Variants in PTPN14 observed in about 807,000 individuals in gnomAD.
PTPN14 encodes the protein protein tyrosine phosphatase non-receptor type 14, also known as tyrosine-protein phosphatase non-receptor type 14.
PTPN14 carries 53 observed loss-of-function variants against 126.8 expected under a neutral mutation model. That is an observed-to-expected ratio of 0.42 (90% CI 0.34 to 0.53). PTPN14 has a LOEUF of 0.53. PTPN14 is among the 20% of genes least tolerant of loss of function. PTPN14 has a pLI of 0.08. For synonymous variants in PTPN14, 630 were observed against 599.3 expected, an observed-to-expected ratio of 1.05 and a Z score of -0.75; for missense variants, 1,257 against 1,552.9, an observed-to-expected ratio of 0.81 and a Z score of 3.20.
chr1:214,425,417 CT>C (rs1659637806), intron 3 of PTPN14, among the ~76,000 whole-genome samples: 1 of 152,132 alleles, frequency 6.6e-6, no homozygotes, highest in African/African-American at 2.4e-5. Flanking sequence ...TCATTCCGCC[CT>C]CTGTGTTCCC....
At chr1:214,418,005 G>A (rs547540697) in intron 3 of PTPN14, among the ~76,000 whole-genome samples, 19 of 152,302 alleles carry the variant, frequency 1.2e-4, no homozygotes, top group South Asian at 6.2e-4. Flanking sequence ...CCCTTGCCAC[G>A]GTTCCAAATG....
At chr1:214,546,994 T>C (rs1417079984) in intron 1 of PTPN14, among the ~76,000 whole-genome samples, 1 of 152,096 alleles carries the variant, frequency 6.6e-6, no homozygotes, top group Non-Finnish European at 1.5e-5. Flanking sequence ...ACAATGTTAA[T>C]ATGTCATTTA....
intron 1 of PTPN14, chr1:214,532,577 T>G: frequency 9.4e-7 from 1 of 1,061,690 alleles, no homozygotes; most frequent in Non-Finnish European, 1.5e-6. Flanking sequence ...TACTTCAAGA[T>G]CATCGAGGAC....
intron 2 of PTPN14, among the ~76,000 whole-genome samples, chr1:214,458,815 A>C (rs1018988947): frequency 3.3e-5 from 5 of 152,158 alleles, no homozygotes; most frequent in Non-Finnish European, 7.3e-5. Context: ...TCAAACTGAG[A>C]TAGGGCTCCA....
Position 214,393,670 on chromosome 1 carries a change from CG to C in PTPN14, c.929+24del, listed in dbSNP as rs11322819. The C allele has an allele frequency of 0.79, 1,192,853 of 1,515,442 alleles. 472,719 individuals are homozygous for C. Among genetic ancestry groups the C allele is most frequent in the African/African-American group, 0.96 (69,754 of 72,604 alleles). 93.9% of individuals were successfully genotyped at this position (1,515,442 alleles called of 1,614,324 possible). A position where few individuals can be genotyped will look rare whatever the true frequency, so the allele number is the denominator to read the frequency against. On this transcript the variant is annotated intron_variant, in intron 10 of 18. Coordinates refer to ENST00000366956, the MANE Select transcript of PTPN14 (RefSeq NM_005401.5). ...ATTTAATCTGACAAAGCCATCAAGT[CG>C]GGGGGGATTAAATGTTTACTTACTC...
intron 5 of PTPN14, among the ~76,000 whole-genome samples, chr1:214,410,508 G>T (rs542146044): frequency 3.6e-4 from 55 of 152,072 alleles, no homozygotes; most frequent in Non-Finnish European, 6.6e-4. Context: ...GTCCAGGATG[G>T]TCTCCACCTT....
intron 1 of PTPN14, chr1:214,532,917 G>C: frequency 2.3e-6 from 2 of 875,154 alleles, no homozygotes; most frequent in African/African-American, 3.3e-5. Context: ...ACCTCGCCAC[G>C]ATCATGGCAG....
chr1:214,540,580 T>C (rs1046391651), intron 1 of PTPN14, among the ~76,000 whole-genome samples: 1 of 152,202 alleles, frequency 6.6e-6, no homozygotes, highest in Non-Finnish European at 1.5e-5. Context: ...GCAGCGCTGA[T>C]GGCAGAAATC....
At chr1:214,399,062 C>T (rs1407864761) in intron 7 of PTPN14, among the ~76,000 whole-genome samples, 7 of 152,174 alleles carry the variant, frequency 4.6e-5, no homozygotes, top group Admixed American at 1.3e-4. Context: ...CCACCGTGCC[C>T]GGCCTAAAGG....
chr1:214,414,529 G>A, intron 4 of PTPN14, 100 bp downstream of exon 4: 2 of 1,062,946 alleles, frequency 1.9e-6, no homozygotes, highest in Middle Eastern at 2.1e-4. Flanking sequence ...CATTACTAAG[G>A]GATCATTTAA....
At chr1:214,532,473 C>A in intron 1 of PTPN14, 1 of 846,914 alleles carries the variant, frequency 1.2e-6, no homozygotes, top group South Asian at 1.3e-5. Context: ...CCTGGACAGA[C>A]TGAGGAGCCT....
intron 3 of PTPN14, among the ~76,000 whole-genome samples, chr1:214,418,543 A>T (rs577727077): frequency 8.5e-4 from 129 of 152,360 alleles, no homozygotes; most frequent in Middle Eastern, 3.4e-3. Context: ...ATCCCTGCCC[A>T]TTCTGGGCAA....
At chr1:214,499,827 A>AGTTTT (rs148622414) in intron 1 of PTPN14, among the ~76,000 whole-genome samples, 8,419 of 151,966 alleles carry the variant, frequency 0.055, 255 homozygotes, top group Middle Eastern at 0.13. Context: ...AATAATACTC[A>AGTTTT]GTTTTATGTC....
intron 1 of PTPN14, among the ~76,000 whole-genome samples, chr1:214,521,600 A>G (rs1655256538): frequency 6.6e-6 from 1 of 152,118 alleles, no homozygotes; most frequent in Non-Finnish European, 1.5e-5. Flanking sequence ...CTGTAATCCC[A>G]GCTACTCAGG....
At chr1:214,445,222 C>T (rs1410010032) in intron 3 of PTPN14, among the ~76,000 whole-genome samples, 1 of 152,150 alleles carries the variant, frequency 6.6e-6, no homozygotes, top group Non-Finnish European at 1.5e-5. Flanking sequence ...CTGAGAAGCA[C>T]CGAAAACAGA....
intron 2 of PTPN14, among the ~76,000 whole-genome samples, chr1:214,457,121 A>C (rs1660400859): frequency 6.6e-6 from 1 of 152,218 alleles, no homozygotes; most frequent in African/African-American, 2.4e-5. Context: ...TTTATGTGAT[A>C]ATAGGAAATG....
chr1:214,376,125 G>C (rs1286306494), intron 15 of PTPN14, 94 bp downstream of exon 15: 1 of 1,199,534 alleles, frequency 8.3e-7, no homozygotes, highest in Non-Finnish European at 1.2e-6. Flanking sequence ...CAAGCCAAAA[G>C]GTACAACTGC....
rs1657774789 is a variant in PTPN14, at chr1:214,354,656, G to A, written c.*3266C>T. On this transcript the variant is annotated 3_prime_UTR_variant, in exon 19 of 19. Transcript: ENST00000366956. ...CACAGTAAACAAGGATGAATACCTC[G>A]GGTCAATGTATCCAAATGAGTGTGG... 2.0e-5 allele frequency: 3 copies of A among 152,166 alleles called. No individual in the cohort carries two copies. The highest frequency in any genetic ancestry group is 4.4e-5 in the Non-Finnish European group (3 of 68,046). 9.4% of individuals were successfully genotyped at this position (152,166 alleles called of 1,614,324 possible).
intron 1 of PTPN14, among the ~76,000 whole-genome samples, chr1:214,543,639 T>C (rs1183029376): frequency 1.4e-5 from 2 of 144,382 alleles, no homozygotes; most frequent in African/African-American, 5.1e-5. Context: ...CTATAACACG[T>C]TTTTTTTTTT....
Sources: gnomAD v4.1 joint callset for allele counts (sites outside exome capture counted in the v4.1 genomes callset) on GRCh38, gnomAD v4.1.1 for gene constraint, MANE v1.5 for transcripts, NCBI Gene and HGNC (gene_info 2026-07-23, HGNC 2026-07-21) for gene names.